The following PTPRD variants were observed in gnomAD, a reference collection of about 807,000 sequenced individuals.
PTPRD encodes the protein receptor-type tyrosine-protein phosphatase delta.
In PTPRD, 34 loss-of-function variants were observed where a neutral mutation model predicts 214.5. That is an observed-to-expected ratio of 0.16 (90% confidence interval 0.12 to 0.21). The LOEUF (loss-of-function observed/expected upper bound fraction) is 0.21, where lower values mean the gene tolerates loss of function less well. PTPRD is among the 10% of genes least tolerant of loss of function. The pLI is 1.00. For missense variants in PTPRD, 2,545 were observed against 2,398.7 expected (o/e 1.06, Z -1.27); for synonymous variants, 1,128 against 845.7 (o/e 1.33, Z -5.79).
intron 3 of PTPRD, among the ~76,000 whole-genome samples, chr9:10,270,498 G>C: frequency 6.6e-6 from 1 of 152,150 alleles, no homozygotes; most frequent in South Asian, 2.1e-4. Flanking sequence ...GTCAGAGAGG[G>C]CTGTGCCAGA....
At chr9:9,423,360 C>G (rs1412728) in intron 8 of PTPRD, among the ~76,000 whole-genome samples, 120,673 of 152,050 alleles carry the variant, frequency 0.79, 48,042 homozygotes, top group Non-Finnish European at 0.81. Flanking sequence ...AAAAAGGCAG[C>G]CTTCTGCAAT....
intron 6 of PTPRD, among the ~76,000 whole-genome samples, chr9:9,757,273 ATAG>A (rs1411004308): frequency 8.5e-5 from 13 of 152,344 alleles, no homozygotes; most frequent in East Asian, 1.9e-4. Flanking sequence ...TTTCATGCAA[ATAG>A]TAGCTCTGCT....
intron 8 of PTPRD, among the ~76,000 whole-genome samples, chr9:9,453,329 TTAAAAG>T (rs141583190): frequency 0.012 from 1,866 of 151,686 alleles, 34 homozygotes; most frequent in African/African-American, 0.043. Flanking sequence ...TAAGCAAATA[TTAAAAG>T]TAAAACAGAA....
At chr9:8,644,879 T>C (rs1052014296) in intron 12 of PTPRD, among the ~76,000 whole-genome samples, 2 of 152,110 alleles carry the variant, frequency 1.3e-5, no homozygotes, top group East Asian at 1.9e-4. Flanking sequence ...GTGAGCTGAG[T>C]GCAGCCTGCC....
intron 11 of PTPRD, among the ~76,000 whole-genome samples, chr9:8,763,983 A>G (rs2094557808): frequency 6.6e-6 from 1 of 152,228 alleles, no homozygotes. Flanking sequence ...TATCAGTTTC[A>G]AGAGTTCATT....
intron 3 of PTPRD, among the ~76,000 whole-genome samples, chr9:10,110,284 T>C (rs1440870529): frequency 6.6e-6 from 1 of 152,196 alleles, no homozygotes; most frequent in Non-Finnish European, 1.5e-5. Flanking sequence ...AATTTCATTC[T>C]CTACCATCTC....
intron 5 of PTPRD, among the ~76,000 whole-genome samples, chr9:9,776,561 G>A (rs539911192): frequency 3.9e-5 from 6 of 152,166 alleles, no homozygotes; most frequent in African/African-American, 1.2e-4. Flanking sequence ...ATGATTCATA[G>A]TGTAATTTAT....
At chr9:8,773,887 C>G (rs1555314592) in intron 11 of PTPRD, among the ~76,000 whole-genome samples, 1 of 152,152 alleles carries the variant, frequency 6.6e-6, no homozygotes, top group Non-Finnish European at 1.5e-5. Context: ...AAGTCTTATT[C>G]ATTCATGAGT....
intron 9 of PTPRD, among the ~76,000 whole-genome samples, chr9:9,221,643 A>G (rs1226495724): frequency 1.3e-5 from 2 of 152,034 alleles, no homozygotes; most frequent in East Asian, 3.9e-4. Context: ...ATCTGTAACT[A>G]TACTCTTATG....
intron 10 of PTPRD, among the ~76,000 whole-genome samples, chr9:9,123,472 T>C (rs2099819556): frequency 6.6e-6 from 1 of 152,226 alleles, no homozygotes; most frequent in South Asian, 2.1e-4. Flanking sequence ...AGGCTTATTG[T>C]AGTCCAGATT....
At chr9:10,094,309 C>T (rs436678) in intron 3 of PTPRD, among the ~76,000 whole-genome samples, 28 of 151,190 alleles carry the variant, frequency 1.9e-4, no homozygotes, top group African/African-American at 6.3e-4. Flanking sequence ...AAATTACTCA[C>T]AAGTCAGAGT....
chr9:9,114,985 G>A (rs928088460), intron 10 of PTPRD, among the ~76,000 whole-genome samples: 5 of 152,134 alleles, frequency 3.3e-5, no homozygotes, highest in Non-Finnish European at 7.3e-5. Context: ...TACATTTCAT[G>A]GTTGTGCGCA....
chr9:8,752,696 G>C (rs1335796635), intron 11 of PTPRD, among the ~76,000 whole-genome samples: 2 of 152,086 alleles, frequency 1.3e-5, no homozygotes, highest in African/African-American at 2.4e-5. Flanking sequence ...GGGGAGCAGA[G>C]ATGAACTAGC....
chr9:9,635,732 G>A (rs2154362521), intron 7 of PTPRD, among the ~76,000 whole-genome samples: 1 of 152,288 alleles, frequency 6.6e-6, no homozygotes, highest in Non-Finnish European at 1.5e-5. Flanking sequence ...AAACCCAGAA[G>A]TCATTGTCAA....
chr9:9,232,393 T>A (rs1245424817), intron 9 of PTPRD, among the ~76,000 whole-genome samples: 1 of 152,210 alleles, frequency 6.6e-6, no homozygotes, highest in Non-Finnish European at 1.5e-5. Flanking sequence ...CATTTCCATT[T>A]CAGCTAGTCA....
intron 7 of PTPRD, among the ~76,000 whole-genome samples, chr9:9,720,645 A>G (rs1307357655): frequency 6.6e-6 from 1 of 152,188 alleles, no homozygotes; most frequent in African/African-American, 2.4e-5. Flanking sequence ...CATTTGCTGC[A>G]TTGAGACAGT....
chr9:10,606,007 T>C (rs1048503395), intron 2 of PTPRD, among the ~76,000 whole-genome samples: 2 of 151,862 alleles, frequency 1.3e-5, no homozygotes, highest in Non-Finnish European at 2.9e-5. Context: ...GGGTGCAACT[T>C]CTAAGAGTAG....
chr9:8,857,042 G>A (rs1267220172), intron 11 of PTPRD, among the ~76,000 whole-genome samples: 7 of 152,136 alleles, frequency 4.6e-5, no homozygotes, highest in African/African-American at 7.2e-5. Context: ...GAATGAATGT[G>A]TGTGTTAAGT....
At chr9:10,173,012 A>G (rs1055254626) in intron 3 of PTPRD, among the ~76,000 whole-genome samples, 4 of 152,186 alleles carry the variant, frequency 2.6e-5, no homozygotes, top group Non-Finnish European at 5.9e-5. Context: ...TCCTTTGTAA[A>G]AGTGAAGCCA....
Sources: allele counts gnomAD v4.1 joint callset (sites outside exome capture counted in the v4.1 genomes callset), GRCh38; gene constraint gnomAD v4.1.1; transcripts MANE v1.5; gene names NCBI Gene and HGNC (gene_info 2026-07-23, HGNC 2026-07-21).